The following TAMM41 variants were observed in gnomAD, a reference collection of about 807,000 sequenced individuals.
TAMM41 encodes phosphatidate cytidylyltransferase, mitochondrial.
Under a neutral mutation model 44.1 loss-of-function variants are expected in TAMM41, and 36 were observed. That is an observed-to-expected ratio of 0.82 (90% CI 0.63 to 1.08). The LOEUF is 1.08. Ranked by LOEUF, TAMM41 falls within the 50% of genes least tolerant of loss-of-function variation. The pLI, the probability that TAMM41 is intolerant of heterozygous loss-of-function variation, is 0.00. For missense variants in TAMM41, 417 were observed against 404.3 expected (o/e 1.03, Z -0.27); for synonymous variants, 164 against 153.1 (o/e 1.07, Z -0.53).
At chr3:11,801,004 A>C (rs1301979523) in intron 7 of TAMM41, among the ~76,000 whole-genome samples, 1 of 151,782 alleles carries the variant, frequency 6.6e-6, no homozygotes, top group Non-Finnish European at 1.5e-5. Flanking sequence ...AGGTGAGAGG[A>C]CTGCTTAACC....
the TAMM41 span, among the ~76,000 whole-genome samples, chr3:11,755,573 T>A: frequency 6.6e-6 from 1 of 152,150 alleles, no homozygotes; most frequent in Non-Finnish European, 1.5e-5. Flanking sequence ...ACTCTGAACA[T>A]TCTGTGTATT....
the TAMM41 span, among the ~76,000 whole-genome samples, chr3:11,773,194 T>C: frequency 6.6e-6 from 1 of 152,008 alleles, no homozygotes; most frequent in Non-Finnish European, 1.5e-5. Flanking sequence ...TAACCTCAAG[T>C]GATTCACCTG....
rs557641297 is a variant in TAMM41, at chr3:11,805,768, C to G, written c.937+2065G>C. Among the ~76,000 whole-genome samples, 38 of 152,318 alleles carry G rather than the reference C, an allele frequency of 2.5e-4. No homozygotes were observed. In the Middle Eastern group the frequency reaches 0.014, roughly 55 times the overall value. ...TGGGCTACCTCTGTGCTATTTCTCC[C>G]TCTCTTGCAAATTTCTGTTAGCATG... On this transcript the variant is annotated intron_variant, in intron 7 of 7. Coordinates refer to ENST00000455809, the MANE Select transcript of TAMM41 (RefSeq NM_001284401.2).
At chr3:11,770,923 C>T in the TAMM41 span, among the ~76,000 whole-genome samples, 152 of 152,168 alleles carry the variant, frequency 1.0e-3, no homozygotes, top group Non-Finnish European at 1.8e-3. Flanking sequence ...AGGCCAGGCT[C>T]GCAGACAAGT....
intron 7 of TAMM41, among the ~76,000 whole-genome samples, chr3:11,803,338 C>T (rs1052690128): frequency 1.4e-4 from 22 of 151,936 alleles, no homozygotes; most frequent in Admixed American, 6.6e-4. Context: ...GAGGTGAGAT[C>T]GCGCCACTAT....
In TAMM41 at chr3:11,846,866, C is replaced by T. The variant is rs1432453413; in HGVS notation, c.-230G>A. On this transcript the variant is annotated 5_prime_UTR_variant, in exon 1 of 8. Coordinates refer to ENST00000455809, the MANE Select transcript of TAMM41 (RefSeq NM_001284401.2). Reference sequence around the variant, plus strand: ...CAGATAGGCTCGGGTGGGCGGCGGTCGCACAGGCAGAGCTTCCGTCCCTTG... The same window carrying T: ...CAGATAGGCTCGGGTGGGCGGCGGTTGCACAGGCAGAGCTTCCGTCCCTTG... 5.4e-6 allele frequency: 3 copies of T among 551,292 alleles called. No homozygotes were observed. The Admixed American group carries it at 9.4e-5, about 17-fold the overall frequency. The allele number at this position is 551,292 out of a possible 1,614,324, so 34.2% of individuals were successfully genotyped here. A position where few individuals can be genotyped will look rare whatever the true frequency, so the allele number is the denominator to read the frequency against.
chr3:11,749,203 G>A, the TAMM41 span, among the ~76,000 whole-genome samples: 2 of 152,174 alleles, frequency 1.3e-5, no homozygotes, highest in Non-Finnish European at 2.9e-5. Context: ...ATGAGCCACT[G>A]CGCCCTGCTA....
At chr3:11,822,820 C>G (rs866098247) in intron 4 of TAMM41, among the ~76,000 whole-genome samples, 1 of 152,098 alleles carries the variant, frequency 6.6e-6, no homozygotes, top group East Asian at 1.9e-4. Flanking sequence ...CACTTTTGGG[C>G]GATTCATTAT....
At chr3:11,844,760 C>T in intron 1 of TAMM41, 2 of 345,174 alleles carry the variant, frequency 5.8e-6, no homozygotes, top group South Asian at 2.2e-5. Flanking sequence ...TATTCACCAA[C>T]CACTTATTGA....
the TAMM41 span, among the ~76,000 whole-genome samples, chr3:11,772,699 G>A: frequency 1.3e-5 from 2 of 152,152 alleles, no homozygotes; most frequent in Non-Finnish European, 2.9e-5. Context: ...AGGGATTGGA[G>A]TCTAATGGTA....
At chr3:11,768,995 C>G in the TAMM41 span, among the ~76,000 whole-genome samples, 4 of 152,182 alleles carry the variant, frequency 2.6e-5, no homozygotes, top group Admixed American at 2.6e-4. Context: ...ACGGCCTGGT[C>G]AAGGGCATGG....
downstream of TAMM41, among the ~76,000 whole-genome samples, chr3:11,786,310 A>T (rs558680879): frequency 1.1e-3 from 133 of 116,238 alleles, no homozygotes; most frequent in African/African-American, 4.2e-3. Context: ...TATTATTATT[A>T]TTATTATTTT....
downstream of TAMM41, among the ~76,000 whole-genome samples, chr3:11,787,909 C>A (rs941167162): frequency 6.6e-6 from 1 of 152,214 alleles, no homozygotes. Flanking sequence ...GAAAGTCTTA[C>A]CTCTCCTCCT....
chr3:11,799,063 A>G (rs2077681318), intron 7 of TAMM41, among the ~76,000 whole-genome samples: 1 of 152,148 alleles, frequency 6.6e-6, no homozygotes, highest in African/African-American at 2.4e-5. Context: ...AAAAACAAAA[A>G]CAAAACAAAA....
chr3:11,835,850 C>G (rs1404122687), intron 3 of TAMM41, among the ~76,000 whole-genome samples: 3 of 152,082 alleles, frequency 2.0e-5, no homozygotes, highest in Non-Finnish European at 4.4e-5. Flanking sequence ...GAAAACACCC[C>G]GAGGCTTAGG....
Position 11,839,288 on chromosome 3 carries a change from A to C in TAMM41, c.345T>G (p.Thr115=). The C allele has an allele frequency of 6.2e-7, 1 of 1,612,792 alleles. No individual in the cohort carries two copies. Among genetic ancestry groups the C allele is most frequent in the Non-Finnish European group, 8.5e-7 (1 of 1,179,104 alleles). ...GRLIKYGVIS[T]NVLIEDLLNW... is the part of the protein sequence containing the mutation. ...TGAGGAGATCTTCAATCAGAACGTT[A>C]GTGCTAATAACTCCATATTTGATAA... Residue 115 remains threonine (T), a synonymous_variant, in exon 3 of 8, where the codon ACT becomes ACG. Coordinates refer to ENST00000455809, the MANE Select transcript of TAMM41 (RefSeq NM_001284401.2).
the TAMM41 span, among the ~76,000 whole-genome samples, chr3:11,749,551 CT>C: frequency 6.6e-6 from 1 of 152,176 alleles, no homozygotes; most frequent in Non-Finnish European, 1.5e-5. Flanking sequence ...GTTAACTGAC[CT>C]TTCTTTCTGT....
At chr3:11,733,205 G>C in the TAMM41 span, among the ~76,000 whole-genome samples, 2 of 151,642 alleles carry the variant, frequency 1.3e-5, no homozygotes, top group African/African-American at 2.4e-5. Context: ...CACCATATTG[G>C]CCAGGCTGGT....
chr3:11,823,713 T>G lies in TAMM41; in HGVS notation c.562+6001A>C, dbSNP rs1287442179. Reference sequence around the variant, plus strand: ...TCTCACTCTGTCACCCAGGCTAGAGTGCAGTGGCATGATCTCAGCTCACTG... The same window carrying G: ...TCTCACTCTGTCACCCAGGCTAGAGGGCAGTGGCATGATCTCAGCTCACTG... On this transcript the variant is annotated intron_variant, in intron 4 of 7. Coordinates refer to ENST00000455809, the MANE Select transcript of TAMM41 (RefSeq NM_001284401.2). Among the ~76,000 whole-genome samples, 3 of 147,776 alleles carry G rather than the reference T, an allele frequency of 2.0e-5. No individual in the cohort carries two copies. In the Admixed American group the frequency reaches 2.1e-4, roughly 10 times the overall value.
Sources: gnomAD v4.1 joint callset for allele counts (sites outside exome capture counted in the v4.1 genomes callset) on GRCh38, gnomAD v4.1.1 for gene constraint, MANE v1.5 for transcripts, NCBI Gene and HGNC (gene_info 2026-07-23, HGNC 2026-07-21) for gene names.